The following MAGI1 variants were observed in gnomAD, a reference collection of about 807,000 sequenced individuals.
The protein encoded by MAGI1 is membrane associated guanylate kinase, WW and PDZ domain containing 1.
In MAGI1, 58 loss-of-function variants were observed where a neutral mutation model predicts 139.9. That is an observed-to-expected ratio of 0.41 (90% CI 0.34 to 0.52). The LOEUF (loss-of-function observed/expected upper bound fraction) is 0.52, where lower values mean the gene tolerates loss of function less well. Ranked by LOEUF, MAGI1 falls within the 20% of genes least tolerant of loss-of-function variation. MAGI1 has a pLI of 0.12. For missense variants in MAGI1, 1,874 were observed against 1,901.6 expected (o/e 0.99, Z 0.27); for synonymous variants, 812 against 737.9 (o/e 1.10, Z -1.63).
At chr3:65,684,167 CAAAAAAAAAAAAAAAAAAAGAAAA>C (rs1360999828) in intron 1 of MAGI1, among the ~76,000 whole-genome samples, 14 of 79,414 alleles carry the variant, frequency 1.8e-4, no homozygotes, top group African/African-American at 6.6e-4. Context: ...GAGACTGTCT[CAAAAAAAAAAAAAAAAAAAGAAAA>C]GAAAAGAAAA....
chr3:65,950,421 G>C (rs2063780130), intron 1 of MAGI1, among the ~76,000 whole-genome samples: 1 of 152,028 alleles, frequency 6.6e-6, no homozygotes, highest in Non-Finnish European at 1.5e-5. Flanking sequence ...AAGACTAAAA[G>C]CCCAGGCTTG....
At chr3:65,676,102 T>C (rs760264854) in intron 1 of MAGI1, among the ~76,000 whole-genome samples, 11 of 152,212 alleles carry the variant, frequency 7.2e-5, no homozygotes, top group Non-Finnish European at 1.5e-4. Flanking sequence ...CAAAGGCTAT[T>C]TGTAGCATTA....
chr3:65,701,379 A>C (rs889724664), intron 1 of MAGI1, among the ~76,000 whole-genome samples: 1 of 152,074 alleles, frequency 6.6e-6, no homozygotes, highest in African/African-American at 2.4e-5. Context: ...CAGCCTCCCA[A>C]GTAGCTAGGA....
At chr3:65,541,287 C>T (rs1161789224) in intron 2 of MAGI1, among the ~76,000 whole-genome samples, 1 of 152,090 alleles carries the variant, frequency 6.6e-6, no homozygotes, top group Non-Finnish European at 1.5e-5. Flanking sequence ...TAATAACCTA[C>T]TAACCAAAAA....
chr3:65,823,817 T>C (rs1180854542), intron 1 of MAGI1, among the ~76,000 whole-genome samples: 1 of 152,214 alleles, frequency 6.6e-6, no homozygotes, highest in African/African-American at 2.4e-5. Flanking sequence ...GCACTGAGGA[T>C]GCTTCGTGAA....
intron 2 of MAGI1, among the ~76,000 whole-genome samples, chr3:65,618,809 T>G (rs924475559): frequency 6.6e-6 from 1 of 152,140 alleles, no homozygotes; most frequent in East Asian, 1.9e-4. Flanking sequence ...CTATTTCCAT[T>G]TTACTGAAGG....
intron 1 of MAGI1, among the ~76,000 whole-genome samples, chr3:65,675,743 T>C (rs564070612): frequency 2.3e-4 from 35 of 152,120 alleles, no homozygotes; most frequent in African/African-American, 8.2e-4. Context: ...ACAACAACAA[T>C]AACAAAACTG....
chr3:65,730,094 T>C (rs1195524944), intron 1 of MAGI1, among the ~76,000 whole-genome samples: 5 of 152,228 alleles, frequency 3.3e-5, no homozygotes, highest in Admixed American at 6.5e-5. Context: ...GAAGAGCAGA[T>C]TGAGACAAAA....
At chr3:65,565,936 C>T (rs2080604622) in intron 2 of MAGI1, among the ~76,000 whole-genome samples, 1 of 150,066 alleles carries the variant, frequency 6.7e-6, no homozygotes, top group Non-Finnish European at 1.5e-5. Flanking sequence ...CATGATGCAA[C>T]AGTAATATTT....
chr3:65,903,989 C>G (rs1049685449), intron 1 of MAGI1, among the ~76,000 whole-genome samples: 1 of 150,928 alleles, frequency 6.6e-6, no homozygotes, highest in African/African-American at 2.4e-5. Context: ...GCCTGGGTGA[C>G]AGAGCAAGAC....
At chr3:65,930,273 G>GC (rs1216924591) in intron 1 of MAGI1, among the ~76,000 whole-genome samples, 1 of 130,504 alleles carries the variant, frequency 7.7e-6, no homozygotes, top group Non-Finnish European at 1.5e-5. Flanking sequence ...CCGAGATAGC[G>GC]CCACTGCACT....
chr3:65,600,400 C>T (rs1405333816), intron 2 of MAGI1, among the ~76,000 whole-genome samples: 2 of 152,120 alleles, frequency 1.3e-5, no homozygotes, highest in Non-Finnish European at 2.9e-5. Flanking sequence ...GCTCCAAAGA[C>T]CAGGTTTCTC....
intron 1 of MAGI1, among the ~76,000 whole-genome samples, chr3:65,631,825 A>C (rs2084324221): frequency 6.6e-6 from 1 of 152,088 alleles, no homozygotes; most frequent in Admixed American, 6.6e-5. Context: ...GCAGTTCGAG[A>C]CCATCCTGGC....
At chr3:65,475,039 A>G (rs1176169730) in intron 4 of MAGI1, among the ~76,000 whole-genome samples, 1 of 152,166 alleles carries the variant, frequency 6.6e-6, no homozygotes, top group Admixed American at 6.5e-5. Flanking sequence ...GCAATGCTTT[A>G]TCACTCTCTA....
intron 2 of MAGI1, among the ~76,000 whole-genome samples, chr3:65,554,167 C>T (rs2079978950): frequency 6.6e-6 from 1 of 152,176 alleles, no homozygotes; most frequent in South Asian, 2.1e-4. Flanking sequence ...GTATTCACCT[C>T]CCTTAGGAGA....
chr3:65,997,604 C>T (rs1169628074), intron 1 of MAGI1, among the ~76,000 whole-genome samples: 1 of 151,948 alleles, frequency 6.6e-6, no homozygotes, highest in Non-Finnish European at 1.5e-5. Context: ...TGCAGTGAGC[C>T]GAGATCGCGC....
At chr3:65,883,326 C>T (rs1050531646) in intron 1 of MAGI1, among the ~76,000 whole-genome samples, 2 of 152,168 alleles carry the variant, frequency 1.3e-5, no homozygotes, top group Admixed American at 1.3e-4. Flanking sequence ...CCCTCCTCCA[C>T]AGAAGTTGTA....
chr3:65,790,320 G>C (rs1164525950), intron 1 of MAGI1, among the ~76,000 whole-genome samples: 1 of 152,172 alleles, frequency 6.6e-6, no homozygotes, highest in African/African-American at 2.4e-5. Context: ...AATTACAACA[G>C]TTCACATAAT....
At chr3:65,449,759 G>A (rs1195211762) in intron 6 of MAGI1, among the ~76,000 whole-genome samples, 6 of 151,994 alleles carry the variant, frequency 3.9e-5, no homozygotes, top group African/African-American at 9.7e-5. Flanking sequence ...TGGGTAACAG[G>A]GCGAGACTCC....
Sources: gnomAD v4.1 joint callset for allele counts (sites outside exome capture counted in the v4.1 genomes callset) on GRCh38, gnomAD v4.1.1 for gene constraint, MANE v1.5 for transcripts, NCBI Gene and HGNC (gene_info 2026-07-23, HGNC 2026-07-21) for gene names.